CHN2: variants seen among roughly 807,000 people sequenced by gnomAD.
CHN2 encodes the protein chimerin 2.
In CHN2, 35 loss-of-function variants were observed where a neutral mutation model predicts 56.3. The observed-to-expected ratio is 0.62, with a 90% CI of 0.47 to 0.82. The LOEUF (loss-of-function observed/expected upper bound fraction) is 0.82. Ranked by LOEUF, CHN2 falls within the 40% of genes least tolerant of loss-of-function variation. The pLI, the probability that CHN2 is intolerant of heterozygous loss-of-function variation, is 0.00. For synonymous variants in CHN2, 210 were observed against 212.8 expected, an observed-to-expected ratio of 0.99 and a Z score of 0.12; for missense variants, 491 against 580.5, an observed-to-expected ratio of 0.85 and a Z score of 1.58.
chr7:29,504,645 A>C, intron 9 of CHN2, 99 bp from the exon 10 acceptor site: 4 of 755,328 alleles, frequency 5.3e-6, no homozygotes, highest in Non-Finnish European at 8.8e-6. Flanking sequence ...ATGTTTGCTC[A>C]TTTTCTGATA....
chr7:29,367,705 T>A lies in CHN2; in HGVS notation c.89-227T>A, dbSNP rs536935838. Among the ~76,000 whole-genome samples the A allele has an allele frequency of 2.0e-5, 3 of 152,298 alleles. No homozygotes were observed. The East Asian group carries it at 5.8e-4, about 29-fold the overall frequency. On this transcript the variant is annotated intron_variant, in intron 2 of 12. Coordinates refer to ENST00000222792, the MANE Select transcript of CHN2 (RefSeq NM_004067.4). Reference sequence around the variant, plus strand: ...TAACAATTATGAAACTAAATTGGCCTTATAAGAATAAAAAAATCAATTTTG... The same window carrying A: ...TAACAATTATGAAACTAAATTGGCCATATAAGAATAAAAAAATCAATTTTG...
At chr7:29,195,631 T>A (rs13306863) in intron 1 of CHN2, among the ~76,000 whole-genome samples, 36,552 of 105,646 alleles carry the variant, frequency 0.35, 5,593 homozygotes, top group African/African-American at 0.43. Flanking sequence ...AGAGAGAGAG[T>A]GTGTGTGTGT....
Position 29,480,218 on chromosome 7 carries a change from G to A in CHN2, c.577-61G>A, listed in dbSNP as rs534685006. 8 of 1,614,054 alleles carry A rather than the reference G, an allele frequency of 5.0e-6. No homozygotes were observed. The South Asian group carries it at 6.6e-5, about 13-fold the overall frequency. On this transcript the variant is annotated intron_variant, in intron 6 of 12. Transcript: ENST00000222792. ...AACTGCTGGCCGTAGCCTTCGGGGT[G>A]AAGGTGGGTGTCAAAGGCGGCTTTC...
intron 6 of CHN2, among the ~76,000 whole-genome samples, chr7:29,433,559 G>A (rs746539324): frequency 2.2e-4 from 34 of 152,304 alleles, no homozygotes; most frequent in Middle Eastern, 6.8e-3. Flanking sequence ...TTACAGGGCC[G>A]GGTGCAGTGA....
intron 1 of CHN2, among the ~76,000 whole-genome samples, chr7:29,337,144 ATGTT>A: frequency 6.6e-6 from 1 of 152,308 alleles, no homozygotes; most frequent in Non-Finnish European, 1.5e-5. Context: ...TGATGGGTAA[ATGTT>A]TGTTAAATGG....
At chr7:29,423,336 G>A (rs1395253921) in intron 6 of CHN2, among the ~76,000 whole-genome samples, 2 of 152,226 alleles carry the variant, frequency 1.3e-5, no homozygotes, top group Non-Finnish European at 2.9e-5. Flanking sequence ...GACGCCCCCA[G>A]GTGAAGGAAG....
chr7:29,476,363 C>G (rs550583927), intron 6 of CHN2, among the ~76,000 whole-genome samples: 127 of 151,834 alleles, frequency 8.4e-4, no homozygotes, highest in Non-Finnish European at 1.4e-3. Context: ...ATGGTGAAAC[C>G]CCATCTCTAC....
At chr7:29,480,199 T>C in intron 6 of CHN2, 80 bp from the exon 7 acceptor site, 1 of 1,613,180 alleles carries the variant, frequency 6.2e-7, no homozygotes, top group Non-Finnish European at 8.5e-7. Context: ...CAAGAACTGC[T>C]GGCCGTAGCC....
intron 1 of CHN2, 65 bp downstream of exon 1, chr7:29,195,055 G>A: frequency 4.6e-6 from 7 of 1,514,904 alleles, no homozygotes; most frequent in Non-Finnish European, 6.3e-6. Context: ...TCGCCCCGCA[G>A]CCTGGGATGG....
intron 3 of CHN2, among the ~76,000 whole-genome samples, chr7:29,369,278 G>GA (rs1208297103): frequency 1.3e-5 from 2 of 151,628 alleles, no homozygotes; most frequent in African/African-American, 2.4e-5. Flanking sequence ...ATGTCTCAAT[G>GA]AAAAAAAACT....
At chr7:29,484,471 A>G (rs1405978391) in intron 7 of CHN2, among the ~76,000 whole-genome samples, 1 of 152,152 alleles carries the variant, frequency 6.6e-6, no homozygotes, top group Non-Finnish European at 1.5e-5. Flanking sequence ...GCTCTCTCCT[A>G]GCTTCTTGTG....
At chr7:29,476,682 A>G (rs1786625124) in intron 6 of CHN2, among the ~76,000 whole-genome samples, 1 of 152,224 alleles carries the variant, frequency 6.6e-6, no homozygotes, top group Admixed American at 6.5e-5. Flanking sequence ...AACTGGAGAC[A>G]GCGTTGCTTC....
chr7:29,313,502 C>T (rs908084636), intron 1 of CHN2, among the ~76,000 whole-genome samples: 1 of 152,078 alleles, frequency 6.6e-6, no homozygotes, highest in African/African-American at 2.4e-5. Flanking sequence ...TGGCCCTACC[C>T]GAGGCCCCAC....
chr7:29,377,644 CAGG>C (rs1800174553), intron 3 of CHN2, among the ~76,000 whole-genome samples: 2 of 52,074 alleles, frequency 3.8e-5, no homozygotes, highest in Non-Finnish European at 9.8e-5. Context: ...CAGTCCAGAG[CAGG>C]TGGTTTGGGC....
chr7:29,350,122 G>T (rs569024221), intron 1 of CHN2, among the ~76,000 whole-genome samples: 96 of 152,096 alleles, frequency 6.3e-4, no homozygotes, highest in African/African-American at 2.0e-3. Flanking sequence ...TGTAAATTTG[G>T]GGGGACTGCC....
At chr7:29,169,861 CGTGTGT>C (rs71555785) in intron 2 of CHN2, among the ~76,000 whole-genome samples, 1 of 147,824 alleles carries the variant, frequency 6.8e-6, no homozygotes, top group Non-Finnish European at 1.5e-5. Flanking sequence ...AGTATATATA[CGTGTGT>C]GTGTGTGTGT....
chr7:29,245,129 A>G (rs1787969598), intron 1 of CHN2, among the ~76,000 whole-genome samples: 1 of 152,156 alleles, frequency 6.6e-6, no homozygotes, highest in Non-Finnish European at 1.5e-5. Context: ...CCTATTTTTT[A>G]TTAAGACTCT....
chr7:29,384,314 T>C (rs2040755), intron 3 of CHN2, among the ~76,000 whole-genome samples: 15,097 of 152,256 alleles, frequency 0.099, 1,869 homozygotes, highest in African/African-American at 0.29. Context: ...GAAAAGATTA[T>C]GGGCTTTGGA....
chr7:29,431,794 C>T (rs1782877959), intron 6 of CHN2, among the ~76,000 whole-genome samples: 1 of 152,162 alleles, frequency 6.6e-6, no homozygotes, highest in African/African-American at 2.4e-5. Context: ...TGCACAGATT[C>T]TCCAGTGGCC....
Sources: gnomAD v4.1 joint callset for allele counts (sites outside exome capture counted in the v4.1 genomes callset) on GRCh38, gnomAD v4.1.1 for gene constraint, MANE v1.5 for transcripts, NCBI Gene and HGNC (gene_info 2026-07-23, HGNC 2026-07-21) for gene names.